PTPRN2: variants seen among roughly 807,000 people sequenced by gnomAD.
The protein encoded by PTPRN2 is receptor-type tyrosine-protein phosphatase N2.
Under a neutral mutation model 118.8 loss-of-function variants are expected in PTPRN2, and 74 were observed. The observed-to-expected ratio is 0.62, with a 90% confidence interval of 0.52 to 0.76. The LOEUF (loss-of-function observed/expected upper bound fraction) is 0.76. Among genes scored for constraint, PTPRN2 ranks in the 30% least tolerant of loss-of-function variants. PTPRN2 has a pLI of 0.00. For synonymous variants in PTPRN2, 641 were observed against 608.0 expected, an observed-to-expected ratio of 1.05 and a Z score of -0.80; for missense variants, 1,481 against 1,394.4, an observed-to-expected ratio of 1.06 and a Z score of -0.99.
In PTPRN2 at chr7:158,395,743, G is replaced by C. The variant is rs1358087734; in HGVS notation, c.164-78811C>G. Among the ~76,000 whole-genome samples, 49 of 26,996 alleles carry C rather than the reference G, an allele frequency of 1.8e-3. 2 individuals are homozygous for C. Among genetic ancestry groups the C allele is most frequent in the African/African-American group, 5.2e-3 (32 of 6,124 alleles). The allele number at this position is 26,996 out of a possible 152,430, so 17.7% of individuals were successfully genotyped here. A position where few individuals can be genotyped will look rare whatever the true frequency, so the allele number is the denominator to read the frequency against. ...GAGGCGCGAGGGGAGAGGGGAGAGGGGCGAGGGGTGAGGCGCGAGGGGCGA... is the reference window on the plus strand; with the variant it reads ...GAGGCGCGAGGGGAGAGGGGAGAGGCGCGAGGGGTGAGGCGCGAGGGGCGA... On this transcript the variant is annotated intron_variant, in intron 2 of 22. Transcript: ENST00000389418.
chr7:158,302,526 C>A (rs942903839), intron 3 of PTPRN2, among the ~76,000 whole-genome samples: 4 of 152,274 alleles, frequency 2.6e-5, no homozygotes, highest in Admixed American at 2.0e-4. Flanking sequence ...CCAGATCACC[C>A]CCAGTCACCG....
chr7:157,655,534 G>A (rs560798159), intron 14 of PTPRN2, among the ~76,000 whole-genome samples: 4 of 152,330 alleles, frequency 2.6e-5, no homozygotes, highest in African/African-American at 7.2e-5. Context: ...CCTGCAACCT[G>A]GGAACTTAAT....
chr7:157,767,863 T>C (rs1802576092), intron 12 of PTPRN2, among the ~76,000 whole-genome samples: 1 of 152,246 alleles, frequency 6.6e-6, no homozygotes, highest in Non-Finnish European at 1.5e-5. Context: ...TTTGTTTGTT[T>C]GTTTTGTTAT....
At chr7:157,678,235 G>A (rs947601288) in intron 13 of PTPRN2, among the ~76,000 whole-genome samples, 1 of 152,116 alleles carries the variant, frequency 6.6e-6, no homozygotes, top group African/African-American at 2.4e-5. Flanking sequence ...TTTTGACCTG[G>A]AAATTTAAAT....
chr7:157,970,477 G>A (rs1802243614), intron 11 of PTPRN2, among the ~76,000 whole-genome samples: 1 of 152,228 alleles, frequency 6.6e-6, no homozygotes, highest in Non-Finnish European at 1.5e-5. Context: ...CATGAAAATA[G>A]AGCAGAGCAG....
chr7:158,196,968 G>A lies in PTPRN2; in HGVS notation c.381-4473C>T, dbSNP rs113005499. Among the ~76,000 whole-genome samples, 590 of 152,316 alleles carry A rather than the reference G, an allele frequency of 3.9e-3. 7 individuals are homozygous for A. Among genetic ancestry groups the A allele is most frequent in the African/African-American group, 0.013 (561 of 41,572 alleles). On this transcript the variant is annotated intron_variant, in intron 4 of 22. Transcript: ENST00000389418. ...ATGAACAGCCCAGGCTCCCTAGGCA[G>A]GCACAGGAGGTAGATATGAGTCAAG...
intron 22 of PTPRN2, among the ~76,000 whole-genome samples, chr7:157,540,986 C>T (rs774749819): frequency 2.0e-4 from 31 of 152,358 alleles, no homozygotes; most frequent in Admixed American, 6.5e-4. Context: ...GTGTACCCTT[C>T]GGTTTGGGAG....
intron 9 of PTPRN2, among the ~76,000 whole-genome samples, chr7:158,122,655 G>A (rs979526132): frequency 3.9e-5 from 6 of 152,230 alleles, no homozygotes; most frequent in African/African-American, 1.4e-4. Context: ...GCAGACCCCT[G>A]AGGAACACAC....
At position 157,881,854 on chromosome 7, in the gene PTPRN2, T is replaced by G. The variant is rs367679056; in HGVS notation, c.1788+16819A>C. Among the ~76,000 whole-genome samples the G allele has an allele frequency of 6.6e-6, 1 of 152,198 alleles. No homozygotes were observed. Among genetic ancestry groups the G allele is most frequent in the East Asian group, 1.9e-4 (1 of 5,198 alleles). ...ACAGGAATGAAAGTGAAGGTAAAGT[T>G]TGTGCCTGTAAACTACTAAAGAGCT... On this transcript the variant is annotated intron_variant, in intron 12 of 22. Coordinates refer to ENST00000389418, the MANE Select transcript of PTPRN2 (RefSeq NM_002847.5). The surrounding 1 kb of genome is among the most constrained non-coding windows in gnomAD (Gnocchi z 4.7).
rs912579580 is a variant in PTPRN2, at chr7:158,093,093, A to G, written c.1644-11716T>C. ...TGAGAGCCTTCTGCGAGGCACGAGTATAAGTGTGAGACCCACACGCAGGCC... is the reference window on the plus strand; with the variant it reads ...TGAGAGCCTTCTGCGAGGCACGAGTGTAAGTGTGAGACCCACACGCAGGCC... On this transcript the variant is annotated intron_variant, in intron 10 of 22. Transcript: ENST00000389418. The surrounding 1 kb of genome is among the most constrained non-coding windows in gnomAD (Gnocchi z 4.4). 6.6e-6 allele frequency among the ~76,000 whole-genome samples: 1 copy of G among 152,172 alleles called. No individual in the cohort carries two copies. Among genetic ancestry groups the G allele is most frequent in the African/African-American group, 2.4e-5 (1 of 41,416 alleles).
intron 12 of PTPRN2, among the ~76,000 whole-genome samples, chr7:157,810,576 C>T (rs1179109112): frequency 8.5e-6 from 1 of 117,980 alleles, no homozygotes; most frequent in Non-Finnish European, 1.7e-5. Flanking sequence ...GGGCTGGGCT[C>T]TCCATGGGGA....
rs888002016 is a variant in PTPRN2, at chr7:157,794,568, G to T, written c.1788+104105C>A. ...ACTATCACCCTCACTGTCACTCTCC[G>T]CTTTGTTTAAATGTGGGGATTTCAT... On this transcript the variant is annotated intron_variant, in intron 12 of 22. Transcript: ENST00000389418. The surrounding 1 kb of genome is among the most constrained non-coding windows in gnomAD (Gnocchi z 5.2). 2.0e-5 allele frequency among the ~76,000 whole-genome samples: 3 copies of T among 152,196 alleles called. No homozygotes were observed. The highest frequency in any genetic ancestry group is 2.0e-4 in the Admixed American group (3 of 15,272).
At chr7:157,635,527 A>C (rs1245846312) in intron 14 of PTPRN2, among the ~76,000 whole-genome samples, 2 of 152,268 alleles carry the variant, frequency 1.3e-5, no homozygotes, top group Non-Finnish European at 2.9e-5. Context: ...ACCATCTAAA[A>C]TCAAGTGAAC....
chr7:158,123,309 A>G (rs1167200975), intron 9 of PTPRN2, among the ~76,000 whole-genome samples: 1 of 152,254 alleles, frequency 6.6e-6, no homozygotes, highest in South Asian at 2.1e-4. Context: ...GGTGGCAAAC[A>G]GTGGGCTGGG....
At chr7:157,828,980 A>T (rs1563150266) in intron 12 of PTPRN2, among the ~76,000 whole-genome samples, 2 of 152,226 alleles carry the variant, frequency 1.3e-5, no homozygotes, top group African/African-American at 4.8e-5. Flanking sequence ...TAATTTTCTA[A>T]GGGAAATTGA....
Position 158,570,719 on chromosome 7 carries a change from C to T in PTPRN2, c.112+16839G>A, listed in dbSNP as rs550142381. ...GGGTACGGTTTGCAACGCCGAGAGC[C>T]CGCGGAGAAGCTTGAGCCTGTGAGC... On this transcript the variant is annotated intron_variant, in intron 1 of 22. Transcript: ENST00000389418. The surrounding 1 kb of genome is among the most constrained non-coding windows in gnomAD (Gnocchi z 4.5). Among the ~76,000 whole-genome samples the T allele has an allele frequency of 4.3e-4, 65 of 152,350 alleles. No individual in the cohort carries two copies. Among genetic ancestry groups the T allele is most frequent in the African/African-American group, 1.5e-3 (63 of 41,572 alleles).
chr7:157,912,530 C>G (rs1798157808), intron 11 of PTPRN2, among the ~76,000 whole-genome samples: 1 of 152,114 alleles, frequency 6.6e-6, no homozygotes, highest in Admixed American at 6.5e-5. Context: ...GTTTGCATTT[C>G]TGGCATCTTG....
rs1796391009 is a variant in PTPRN2, at chr7:157,671,166, C to T, written c.2001+11559G>A. Among the ~76,000 whole-genome samples the T allele has an allele frequency of 6.7e-6, 1 of 149,856 alleles. No homozygotes were observed. The highest frequency in any genetic ancestry group is 2.4e-5 in the African/African-American group (1 of 41,058). ...ACATCAAGATCTTAGTTCAATGTAT[C>T]GATTCATTCTTATCGAGCATGTAAA... On this transcript the variant is annotated intron_variant, in intron 13 of 22. Coordinates refer to ENST00000389418, the MANE Select transcript of PTPRN2 (RefSeq NM_002847.5). This position sits in a 1 kb window ranked among gnomAD's most constrained non-coding sequence, Gnocchi z 4.1.
Position 157,778,020 on chromosome 7 carries a change from C to A in PTPRN2, c.1789-95083G>T, listed in dbSNP as rs190576845. Among the ~76,000 whole-genome samples, 287 of 149,540 alleles carry A rather than the reference C, an allele frequency of 1.9e-3. 1 individual carries two copies. Among genetic ancestry groups the A allele is most frequent in the Non-Finnish European group, 2.2e-3 (149 of 67,572 alleles). On this transcript the variant is annotated intron_variant, in intron 12 of 22. Coordinates refer to ENST00000389418, the MANE Select transcript of PTPRN2 (RefSeq NM_002847.5). The stretch of plus-strand genomic sequence containing the variant: ...TACCCCAATTCAAACCAAACGAGAG[C>A]AAAAACCAATTCAGACAGGAACCAC...
Sources: gnomAD v4.1 joint callset for allele counts (sites outside exome capture counted in the v4.1 genomes callset) on GRCh38, gnomAD v4.1.1 for gene constraint, Gnocchi (gnomAD v3.1) non-coding constraint, MANE v1.5 for transcripts, NCBI Gene and HGNC (gene_info 2026-07-23, HGNC 2026-07-21) for gene names.